PLEKHA5: variants seen among roughly 807,000 people sequenced by gnomAD.
PLEKHA5 encodes pleckstrin homology domain-containing family A member 5.
Under a neutral mutation model 181.9 loss-of-function variants are expected in PLEKHA5, and 55 were observed. The ratio of observed to expected loss-of-function variants is 0.30; its 90% CI spans 0.24 to 0.38. PLEKHA5 has a LOEUF of 0.38. Among genes scored for constraint, PLEKHA5 ranks in the 10% least tolerant of loss-of-function variants. PLEKHA5 has a pLI of 1.00. For missense variants in PLEKHA5, 1,432 were observed against 1,549.5 expected (o/e 0.92, Z 1.27); for synonymous variants, 535 against 529.4 (o/e 1.01, Z -0.15).
rs1448641255 is a variant in PLEKHA5 at position 19,299,730 on chromosome 12, T to TA, written c.2037+8035dup. 3.3e-5 allele frequency among the ~76,000 whole-genome samples: 5 copies of TA among 152,284 alleles called. No homozygotes were observed. In the East Asian group the frequency reaches 7.7e-4, roughly 24 times the overall value. The stretch of plus-strand genomic sequence containing the variant: ...TTCTGAACACAGTAAGAGGAGCTTG[T>TA]AAGCCCTCGGTAAATGGGAAGTCTG... On this transcript the variant is annotated intron_variant, in intron 15 of 31. Transcript: ENST00000429027.
chr12:19,311,436 C>CT (rs1178615239), intron 15 of PLEKHA5, among the ~76,000 whole-genome samples: 1 of 149,998 alleles, frequency 6.7e-6, no homozygotes, highest in African/African-American at 2.5e-5. Context: ...GAGCAAAACT[C>CT]TGTCTCGAAA....
chr12:19,215,351 A>G (rs995708862), intron 3 of PLEKHA5, among the ~76,000 whole-genome samples: 5 of 152,198 alleles, frequency 3.3e-5, no homozygotes, highest in Non-Finnish European at 5.9e-5. Context: ...TATGGAAGCT[A>G]TAATAGAATC....
rs116390053 is a variant in PLEKHA5 at position 19,370,395 on chromosome 12, G to C, written c.*11+597G>C. Among the ~76,000 whole-genome samples, 1,005 of 152,304 alleles carry C rather than the reference G, an allele frequency of 6.6e-3. 12 individuals are homozygous for C. The highest frequency in any genetic ancestry group is 0.023 in the African/African-American group (955 of 41,574). On this transcript the variant is annotated intron_variant, in intron 31 of 31. Coordinates refer to ENST00000429027, the MANE Select transcript of PLEKHA5 (RefSeq NM_001256470.2). The stretch of plus-strand genomic sequence containing the variant: ...CTTGAACAATGTTCCTTAGAGCACA[G>C]ATTTATAATTGAGAATAGTTTCCTG...
intron 3 of PLEKHA5, among the ~76,000 whole-genome samples, chr12:19,135,798 TA>T (rs915293280): frequency 1.3e-5 from 2 of 151,830 alleles, no homozygotes; most frequent in African/African-American, 4.8e-5. Context: ...GCAGCTAGAT[TA>T]AAAAAATATG....
chr12:19,339,817 C>T (rs899517039), intron 21 of PLEKHA5, among the ~76,000 whole-genome samples: 16 of 152,236 alleles, frequency 1.1e-4, no homozygotes, highest in Non-Finnish European at 2.1e-4. Context: ...AATACCTACT[C>T]CTGCTAGGTT....
intron 3 of PLEKHA5, among the ~76,000 whole-genome samples, chr12:19,233,257 T>C (rs2060904495): frequency 6.6e-6 from 1 of 152,216 alleles, no homozygotes; most frequent in South Asian, 2.1e-4. Flanking sequence ...TCATTATCCT[T>C]AATTTTTGCC....
At chr12:19,365,365 C>CA (rs71064098) in intron 29 of PLEKHA5, among the ~76,000 whole-genome samples, 934 of 83,846 alleles carry the variant, frequency 0.011, 8 homozygotes, top group African/African-American at 0.026. Flanking sequence ...GACTCCGTCT[C>CA]AAAAAAAAAA....
In PLEKHA5 at chr12:19,323,016, ATTTTT is replaced by A. The variant is rs538132540; in HGVS notation, c.2448+371_2448+375del. 6.5e-3 allele frequency among the ~76,000 whole-genome samples: 604 copies of A among 92,748 alleles called. 9 individuals are homozygous for A. The highest frequency in any genetic ancestry group is 0.013 in the African/African-American group (310 of 23,130). The allele number at this position is 92,748 out of a possible 152,430, so 60.8% of individuals were successfully genotyped here. A position where few individuals can be genotyped will look rare whatever the true frequency, so the allele number is the denominator to read the frequency against. On this transcript the variant is annotated intron_variant, in intron 20 of 31. Transcript: ENST00000429027. ...GGCTGGCACTACTACACCTGGCTAG[ATTTTT>A]TTTTTTTTTTTTTTTTTTTTTCATA...
intron 22 of PLEKHA5, among the ~76,000 whole-genome samples, chr12:19,344,006 C>A (rs1329377065): frequency 2.0e-5 from 3 of 150,400 alleles, no homozygotes; most frequent in African/African-American, 7.4e-5. Context: ...GAGCCAAGAT[C>A]ATGCCAGTGT....
intron 11 of PLEKHA5, among the ~76,000 whole-genome samples, chr12:19,279,424 A>G (rs1027816342): frequency 2.6e-5 from 4 of 152,026 alleles, no homozygotes; most frequent in Non-Finnish European, 4.4e-5. Context: ...GCACTTTGGG[A>G]GGCCAAGGTG....
chr12:19,130,079 C>A lies in PLEKHA5; in HGVS notation c.118C>A (p.His40Asn). Residue 40 changes from histidine (H) to asparagine (N), a missense_variant, in exon 2 of 32, where the codon CAC (histidine) becomes AAC (asparagine). Around this residue, in one of 2 missense-constraint regions of PLEKHA5, gnomAD observed 289 missense variants for 381.1 expected, o/e 0.76. Coordinates refer to ENST00000429027, the MANE Select transcript of PLEKHA5 (RefSeq NM_001256470.2). This position sits in a 1 kb window ranked among gnomAD's most constrained non-coding sequence, Gnocchi z 4.5. Reference protein sequence around the residue: ...NEEAKSTTWLHPVTGEAVVTG... With the variant: ...NEEAKSTTWLNPVTGEAVVTG... ...GGAGGCCAAGAGCACCACCTGGCTGCACCCCGTCACCGGCGAGGCGGTGGT... is the reference window on the plus strand; with the variant it reads ...GGAGGCCAAGAGCACCACCTGGCTGAACCCCGTCACCGGCGAGGCGGTGGT... The A allele has an allele frequency of 1.3e-6, 2 of 1,590,944 alleles. No homozygotes were observed. The highest frequency in any genetic ancestry group is 1.7e-6 in the Non-Finnish European group (2 of 1,170,166).
At chr12:19,352,577 CTTT>C (rs34607449) in intron 25 of PLEKHA5, among the ~76,000 whole-genome samples, 37 of 110,120 alleles carry the variant, frequency 3.4e-4, no homozygotes, top group Non-Finnish European at 3.3e-4. Flanking sequence ...ACAAAGAAGG[CTTT>C]TTTTTTTTTT....
At chr12:19,132,946 TG>T (rs2034449302) in intron 3 of PLEKHA5, among the ~76,000 whole-genome samples, 1 of 133,438 alleles carries the variant, frequency 7.5e-6, no homozygotes, top group East Asian at 2.2e-4. Context: ...TTTTTTTTAG[TG>T]AACCTTGTTC....
At chr12:19,344,066 A>G (rs78046602) in intron 22 of PLEKHA5, among the ~76,000 whole-genome samples, 1 of 145,026 alleles carries the variant, frequency 6.9e-6, no homozygotes, top group Non-Finnish European at 1.5e-5. Context: ...AAAAAAAAAA[A>G]TTTTCTCAGC....
chr12:19,145,193 A>T (rs1025815792), intron 3 of PLEKHA5, among the ~76,000 whole-genome samples: 43 of 151,446 alleles, frequency 2.8e-4, no homozygotes, highest in African/African-American at 8.5e-4. Flanking sequence ...TGTGTGTGTG[A>T]GAGAGAGAGA....
intron 11 of PLEKHA5, among the ~76,000 whole-genome samples, chr12:19,275,367 T>C (rs965000186): frequency 2.0e-5 from 3 of 152,152 alleles, no homozygotes; most frequent in African/African-American, 7.2e-5. Flanking sequence ...GTTGGTACAA[T>C]GCAAGGATCT....
chr12:19,183,690 A>T (rs1045253463), intron 3 of PLEKHA5, among the ~76,000 whole-genome samples: 11 of 152,038 alleles, frequency 7.2e-5, no homozygotes, highest in Non-Finnish European at 1.6e-4. Context: ...CTTGATACTT[A>T]CAAGGGAAAA....
At chr12:19,346,618 C>A (rs1271535904) in intron 23 of PLEKHA5, among the ~76,000 whole-genome samples, 4 of 151,874 alleles carry the variant, frequency 2.6e-5, no homozygotes, top group Admixed American at 2.6e-4. Flanking sequence ...ATAGCGAGAC[C>A]CCATCTCTAC....
chr12:19,232,110 T>A (rs2060717927), intron 3 of PLEKHA5, among the ~76,000 whole-genome samples: 1 of 152,178 alleles, frequency 6.6e-6, no homozygotes, highest in South Asian at 2.1e-4. Context: ...CATTTTGGTT[T>A]GTATTTGGCT....
Sources: allele counts gnomAD v4.1 joint callset (sites outside exome capture counted in the v4.1 genomes callset), GRCh38; gene constraint gnomAD v4.1.1; regional missense constraint gnomAD v4.1.1; non-coding constraint Gnocchi (gnomAD v3.1); transcripts MANE v1.5; gene names NCBI Gene and HGNC (gene_info 2026-07-23, HGNC 2026-07-21).